NLRP5: variants seen among roughly 807,000 people sequenced by gnomAD.
NLRP5 encodes NLR family pyrin domain containing 5, also known as NACHT, LRR and PYD domains-containing protein 5.
NLRP5 carries 93 observed loss-of-function variants against 113.1 expected under a neutral mutation model. That is an observed-to-expected ratio of 0.82 (90% confidence interval 0.70 to 0.98). The LOEUF is 0.98. Ranked by LOEUF, NLRP5 falls within the 50% of genes least tolerant of loss-of-function variation. NLRP5 has a pLI of 0.00. For synonymous variants in NLRP5, 751 were observed against 600.7 expected (o/e 1.25, Z -3.66); for missense variants, 1,808 against 1,514.3 (o/e 1.19, Z -3.22).
At chr19:56,036,058 CTTTTTTTTTTT>C (rs34956178) in intron 9 of NLRP5, among the ~76,000 whole-genome samples, 3 of 77,004 alleles carry the variant, frequency 3.9e-5, no homozygotes, top group East Asian at 4.9e-4. Flanking sequence ...AATTGAGATT[CTTTTTTTTTTT>C]TTTTTTTTTT....
At chr19:56,057,414 C>G (rs573005014) in intron 13 of NLRP5, among the ~76,000 whole-genome samples, 8 of 152,192 alleles carry the variant, frequency 5.3e-5, no homozygotes, top group Non-Finnish European at 1.2e-4. Context: ...AGGTGCCCAG[C>G]CTCCGCTCTC....
At chr19:56,044,609 G>A (rs1983653928) in intron 11 of NLRP5, among the ~76,000 whole-genome samples, 1 of 152,114 alleles carries the variant, frequency 6.6e-6, no homozygotes. Context: ...CACTGTTTTG[G>A]TGACTATGCC....
chr19:56,044,126 C>G (rs868721107), intron 11 of NLRP5, among the ~76,000 whole-genome samples: 1 of 150,172 alleles, frequency 6.7e-6, no homozygotes, highest in African/African-American at 2.5e-5. Context: ...TGCAGTGGCA[C>G]GATCTGAGCT....
rs1452340420 is a variant in NLRP5, at chr19:56,058,502, C to A, written c.3470+92C>A. 5 of 1,198,298 alleles carry A rather than the reference C, an allele frequency of 4.2e-6. No individual in the cohort carries two copies. The Admixed American group carries it at 1.2e-4, about 28-fold the overall frequency. The allele number at this position is 1,198,298 out of a possible 1,614,324, so 74.2% of individuals were successfully genotyped here. On this transcript the variant is annotated intron_variant, in intron 14 of 14. Transcript: ENST00000390649. ...AGAAGCAGTTTATGGGAAAAGTTGACGTCATACCTTGGGAGCCACATTTTA... is the reference window on the plus strand; with the variant it reads ...AGAAGCAGTTTATGGGAAAAGTTGAAGTCATACCTTGGGAGCCACATTTTA...
At chr19:56,006,941 T>C (rs56279415) in intron 2 of NLRP5, among the ~76,000 whole-genome samples, 2 of 150,016 alleles carry the variant, frequency 1.3e-5, no homozygotes, top group Middle Eastern at 3.2e-3. Flanking sequence ...GGGTTTCACC[T>C]TGTTAGCCAG....
At position 56,033,568 on chromosome 19, in the gene NLRP5, G is replaced by A; in HGVS notation, c.2474G>A (p.Gly825Asp). 6.2e-7 allele frequency: 1 copy of A among 1,613,690 alleles called. No homozygotes were observed. Among genetic ancestry groups the A allele is most frequent in the Non-Finnish European group, 8.5e-7 (1 of 1,179,734 alleles). ...TTTAGAAATGCACAGATTACCCCTG[G>A]TGTGCAGCACCTCTGGAGAATCGTC... is the stretch of plus-strand genomic sequence containing the variant. Residue 825 changes from glycine to aspartate, a missense_variant, in exon 9 of 15, where the codon GGT (glycine) becomes GAT (aspartate). By Grantham distance (94) the Gly-to-Asp change is moderately conservative. Coordinates refer to ENST00000390649, the MANE Select transcript of NLRP5 (RefSeq NM_153447.4).
At chr19:56,049,007 A>G (rs1983831174) in intron 11 of NLRP5, among the ~76,000 whole-genome samples, 1 of 116,126 alleles carries the variant, frequency 8.6e-6, no homozygotes, top group South Asian at 2.8e-4. Flanking sequence ...TTTGAGACAG[A>G]GTCTTGCTCT....
intron 11 of NLRP5, 117 bp downstream of exon 11, chr19:56,041,209 G>C: frequency 1.1e-6 from 1 of 925,234 alleles, no homozygotes; most frequent in Non-Finnish European, 1.7e-6. Context: ...GAAGGGACCT[G>C]GTATATGCTG....
chr19:56,036,058 C>CTTTTTTTTTTTTTTTTGTTTT (rs1983300306), intron 9 of NLRP5, among the ~76,000 whole-genome samples: 1 of 77,018 alleles, frequency 1.3e-5, no homozygotes, highest in African/African-American at 5.7e-5. Flanking sequence ...AATTGAGATT[C>CTTTTTTTTTTTTTTTTGTTTT]TTTTTTTTTT....
At chr19:55,997,305 C>T (rs1981356821), upstream of NLRP5, among the ~76,000 whole-genome samples, 1 of 152,040 alleles carries the variant, frequency 6.6e-6, no homozygotes, top group East Asian at 1.9e-4. Context: ...AGATGAATCC[C>T]ACTTCATCAT....
Position 56,036,058 on chromosome 19 carries a change from C to CTTTTTTTTTTTTTTTTTTTTT in NLRP5, c.2616-1965_2616-1945dup, listed in dbSNP as rs34956178. 4.5e-4 allele frequency among the ~76,000 whole-genome samples: 35 copies of CTTTTTTTTTTTTTTTTTTTTT among 77,002 alleles called. 7 individuals carry two copies. The highest frequency in any genetic ancestry group is 1.8e-3 in the African/African-American group (31 of 17,614). 50.5% of individuals were successfully genotyped at this position (77,002 alleles called of 152,430 possible). ...ACATGCTGATGAATGAATTGAGATT[C>CTTTTTTTTTTTTTTTTTTTTT]TTTTTTTTTTTTTTTTTTTTTTGGA... On this transcript the variant is annotated intron_variant, in intron 9 of 14. Transcript: ENST00000390649.
intron 8 of NLRP5, among the ~76,000 whole-genome samples, chr19:56,033,180 G>A (rs1228924778): frequency 2.6e-5 from 4 of 152,182 alleles, no homozygotes; most frequent in Admixed American, 2.6e-4. Flanking sequence ...GAACCAGGGA[G>A]GTGGAGGTTG....
intron 3 of NLRP5, among the ~76,000 whole-genome samples, chr19:56,013,633 G>A (rs1041880630): frequency 2.2e-4 from 11 of 51,040 alleles, no homozygotes; most frequent in African/African-American, 1.2e-3. Context: ...TATGAACGAT[G>A]CAGCTATGGA....
intron 4 of NLRP5, among the ~76,000 whole-genome samples, chr19:56,016,257 G>T (rs574877354): frequency 6.6e-6 from 1 of 152,220 alleles, no homozygotes; most frequent in South Asian, 2.1e-4. Context: ...GGGTTCAAGC[G>T]ATTATTCTGC....
At chr19:56,035,639 A>G (rs915984937) in intron 9 of NLRP5, among the ~76,000 whole-genome samples, 1 of 152,224 alleles carries the variant, frequency 6.6e-6, no homozygotes, top group Non-Finnish European at 1.5e-5. Context: ...TTACCTTCTC[A>G]TAACTCAACT....
At chr19:56,029,665 A>AC (rs1486147741) in intron 7 of NLRP5, among the ~76,000 whole-genome samples, 3 of 152,308 alleles carry the variant, frequency 2.0e-5, no homozygotes, top group South Asian at 4.1e-4. Context: ...TCCTCCTATG[A>AC]CCCAGAACAC....
At chr19:55,997,105 C>G (rs951690747), upstream of NLRP5, among the ~76,000 whole-genome samples, 2 of 152,106 alleles carry the variant, frequency 1.3e-5, no homozygotes, top group African/African-American at 2.4e-5. Context: ...AGCATTTTTT[C>G]TTGTATCTGT....
intron 3 of NLRP5, among the ~76,000 whole-genome samples, chr19:56,009,432 C>T (rs1018382081): frequency 2.0e-5 from 3 of 150,878 alleles, no homozygotes; most frequent in African/African-American, 7.3e-5. Flanking sequence ...AACCTTATGA[C>T]CCCACTATGA....
upstream of NLRP5, among the ~76,000 whole-genome samples, chr19:55,998,122 A>C (rs1346953830): frequency 6.6e-6 from 1 of 152,132 alleles, no homozygotes; most frequent in Non-Finnish European, 1.5e-5. Flanking sequence ...TCTTTTAATG[A>C]AATTAAGTAG....
Sources: allele counts gnomAD v4.1 joint callset (sites outside exome capture counted in the v4.1 genomes callset), GRCh38; gene constraint gnomAD v4.1.1; transcripts MANE v1.5; gene names NCBI Gene and HGNC (gene_info 2026-07-23, HGNC 2026-07-21).